The following SLC15A5 variants were observed in gnomAD, a reference collection of about 807,000 sequenced individuals.
SLC15A5 encodes the protein Peptide/histidine transporter ENSP00000340402.
Under a neutral mutation model 56.1 loss-of-function variants are expected in SLC15A5, and 58 were observed. That is an observed-to-expected ratio of 1.03 (90% CI 0.84 to 1.29). The LOEUF is 1.29. Ranked by LOEUF, SLC15A5 falls within the 50% of genes most tolerant of loss-of-function variation. SLC15A5 has a pLI of 0.00. For synonymous variants in SLC15A5, 264 were observed against 250.5 expected (o/e 1.05, Z -0.51); for missense variants, 681 against 672.1 (o/e 1.01, Z -0.15).
At chr12:16,215,217 A>C (rs888505043) in intron 7 of SLC15A5, among the ~76,000 whole-genome samples, 11 of 144,540 alleles carry the variant, frequency 7.6e-5, no homozygotes, top group East Asian at 4.1e-4. Flanking sequence ...AAAAAAAAAA[A>C]AAAAAAAAAA....
chr12:16,193,560 A>G (rs1863859410), intron 8 of SLC15A5, among the ~76,000 whole-genome samples: 1 of 152,012 alleles, frequency 6.6e-6, no homozygotes, highest in South Asian at 2.1e-4. Flanking sequence ...GAGATAATAT[A>G]TGACTAAATG....
Position 16,272,790 on chromosome 12 carries a change from G to A in SLC15A5, c.362-7C>T. 6.5e-7 allele frequency: 1 copy of A among 1,534,114 alleles called. No individual in the cohort carries two copies. The stretch of plus-strand genomic sequence containing the variant: ...ACAGATAACAAAGCAGTGCCTGTAG[G>A]TGGAGAAAAAAAAAGAGTAAATGTA... On this transcript the variant is annotated splice_region_variant and splice_polypyrimidine_tract_variant and intron_variant, in intron 1 of 8. Transcript: ENST00000344941.
chr12:16,249,271 G>A (rs1864496882), intron 3 of SLC15A5, among the ~76,000 whole-genome samples: 1 of 151,906 alleles, frequency 6.6e-6, no homozygotes, highest in Admixed American at 6.6e-5. Context: ...TAAAATAAAA[G>A]GTAGCATATA....
chr12:16,193,780 G>GGAGAGAGAGAGAGAGA (rs766458422), intron 8 of SLC15A5, among the ~76,000 whole-genome samples: 3 of 75,774 alleles, frequency 4.0e-5, no homozygotes, highest in African/African-American at 1.5e-4. Context: ...TATGTCAAGG[G>GGAGAGAGAGAGAGAGA]GAGAGAGAGA....
intron 7 of SLC15A5, among the ~76,000 whole-genome samples, chr12:16,202,055 T>C (rs1863963733): frequency 6.6e-6 from 1 of 152,144 alleles, no homozygotes; most frequent in Admixed American, 6.6e-5. Context: ...AATGATTTCT[T>C]GAATATGACA....
At chr12:16,229,525 T>C (rs1460373627) in intron 5 of SLC15A5, among the ~76,000 whole-genome samples, 1 of 152,090 alleles carries the variant, frequency 6.6e-6, no homozygotes, top group Non-Finnish European at 1.5e-5. Context: ...TGTGTTCATT[T>C]TTACCATGTG....
chr12:16,202,015 G>A (rs140322136), intron 7 of SLC15A5, among the ~76,000 whole-genome samples: 611 of 152,200 alleles, frequency 4.0e-3, no homozygotes, highest in Middle Eastern at 6.8e-3. Flanking sequence ...TACTAGAACA[G>A]GGGAAAAGCT....
At chr12:16,214,544 G>A (rs1053881761) in intron 7 of SLC15A5, among the ~76,000 whole-genome samples, 1 of 152,264 alleles carries the variant, frequency 6.6e-6, no homozygotes, top group South Asian at 2.1e-4. Context: ...TGGAGACTGA[G>A]CTCACAATGA....
chr12:16,247,276 G>C (rs1534266), intron 3 of SLC15A5, among the ~76,000 whole-genome samples: 151,312 of 152,304 alleles, frequency 0.99, 75,168 homozygotes, highest in East Asian at 1. Context: ...GGTCAAGAAA[G>C]AAGAAATGAG....
intron 6 of SLC15A5, among the ~76,000 whole-genome samples, chr12:16,222,633 C>G (rs1565662476): frequency 6.6e-6 from 1 of 152,098 alleles, no homozygotes; most frequent in South Asian, 2.1e-4. Context: ...TGACTTAGAC[C>G]TCAGTTAGGC....
At position 16,196,806 on chromosome 12, in the gene SLC15A5, A is replaced by G. The variant is rs1863898551; in HGVS notation, c.1484-2353T>C. Among the ~76,000 whole-genome samples, 1 of 152,098 alleles carries G rather than the reference A, an allele frequency of 6.6e-6. No homozygotes were observed. The highest frequency in any genetic ancestry group is 2.1e-4 in the South Asian group (1 of 4,824). On this transcript the variant is annotated intron_variant, in intron 7 of 8. Transcript: ENST00000344941. This position sits in a 1 kb window ranked among gnomAD's most constrained non-coding sequence, Gnocchi z 4.0. The stretch of plus-strand genomic sequence containing the variant: ...GAGTCAGATGAGGAAGAAGAATATA[A>G]ATTCACTAAGATCTTTAAAGGTAAA...
In SLC15A5 at chr12:16,257,964, C is replaced by T. The variant is rs1032667691; in HGVS notation, c.585-94G>A. On this transcript the variant is annotated intron_variant, in intron 2 of 8. Transcript: ENST00000344941. ...ATGCTTCTAATCAAATGTAAACTAC[C>T]AAATGATGGCATGTTAACTGAACCC... 1.4e-5 allele frequency: 16 copies of T among 1,137,928 alleles called. No individual in the cohort carries two copies. In the African/African-American group the frequency reaches 1.8e-4, roughly 13 times the overall value. 70.5% of individuals were successfully genotyped at this position (1,137,928 alleles called of 1,614,324 possible).
At chr12:16,270,451 T>G (rs937664402) in intron 2 of SLC15A5, among the ~76,000 whole-genome samples, 9 of 152,180 alleles carry the variant, frequency 5.9e-5, no homozygotes, top group African/African-American at 2.2e-4. Context: ...AGATTACACA[T>G]TAATAAACTG....
chr12:16,223,130 A>G (rs904844484), intron 6 of SLC15A5, among the ~76,000 whole-genome samples: 15 of 147,898 alleles, frequency 1.0e-4, no homozygotes, highest in African/African-American at 3.7e-4. Flanking sequence ...ATGTGTGTGT[A>G]TAAATACATA....
At chr12:16,240,389 G>A (rs1007320387) in intron 4 of SLC15A5, among the ~76,000 whole-genome samples, 1 of 151,990 alleles carries the variant, frequency 6.6e-6, no homozygotes, top group Non-Finnish European at 1.5e-5. Flanking sequence ...ATTGCTGTAG[G>A]CTGTCTTTGA....
intron 6 of SLC15A5, among the ~76,000 whole-genome samples, chr12:16,219,880 C>T (rs999003769): frequency 4.6e-5 from 7 of 151,992 alleles, no homozygotes; most frequent in Non-Finnish European, 8.8e-5. Flanking sequence ...TCAGTGTGTA[C>T]GTGAAAGCTG....
chr12:16,273,218 A>G (rs1864779571), intron 1 of SLC15A5, among the ~76,000 whole-genome samples: 1 of 152,056 alleles, frequency 6.6e-6, no homozygotes, highest in Admixed American at 6.6e-5. Context: ...TCAGAAGCTT[A>G]TTACCTAAAA....
At position 16,188,968 on chromosome 12, in the gene SLC15A5, CT is replaced by C. The variant is rs1290878199; in HGVS notation, c.*699del. On this transcript the variant is annotated 3_prime_UTR_variant, in exon 9 of 9. Coordinates refer to ENST00000344941, the MANE Select transcript of SLC15A5 (RefSeq NM_001170798.1). ...TAAGCATCTCTATTTGGTTTGGTCA[CT>C]TACCCTCCTCTCAGCCCCCTCATTT... The C allele has an allele frequency of 2.0e-5, 3 of 152,156 alleles. No individual in the cohort carries two copies. Among genetic ancestry groups the C allele is most frequent in the Non-Finnish European group, 2.9e-5 (2 of 68,026 alleles). 9.4% of individuals were successfully genotyped at this position (152,156 alleles called of 1,614,324 possible).
intron 3 of SLC15A5, among the ~76,000 whole-genome samples, chr12:16,257,327 G>A (rs1864586634): frequency 6.6e-6 from 1 of 152,084 alleles, no homozygotes; most frequent in Non-Finnish European, 1.5e-5. Context: ...GTGAAGATGA[G>A]TTGATAATTG....
Sources: allele counts gnomAD v4.1 joint callset (sites outside exome capture counted in the v4.1 genomes callset), GRCh38; gene constraint gnomAD v4.1.1; non-coding constraint Gnocchi (gnomAD v3.1); transcripts MANE v1.5; gene names NCBI Gene and HGNC (gene_info 2026-07-23, HGNC 2026-07-21).